Variants in TMEM44 observed in about 807,000 individuals in gnomAD.
The protein encoded by TMEM44 is transmembrane protein 44.
A neutral mutation model predicts 47.8 loss-of-function variants in TMEM44; 43 were observed. The ratio of observed to expected loss-of-function variants is 0.90; its 90% CI spans 0.70 to 1.16. The LOEUF (loss-of-function observed/expected upper bound fraction) is 1.16. Ranked by LOEUF, TMEM44 falls within the 50% of genes most tolerant of loss-of-function variation. The probability of loss-of-function intolerance (pLI) is 0.00; values close to 1 mark genes in which losing one functional copy is unlikely to be tolerated. For synonymous variants in TMEM44, 277 were observed against 238.8 expected, an observed-to-expected ratio of 1.16 and a Z score of -1.48; for missense variants, 568 against 555.2, an observed-to-expected ratio of 1.02 and a Z score of -0.23.
intron 9 of TMEM44, among the ~76,000 whole-genome samples, chr3:194,598,313 A>G (rs911521325): frequency 2.0e-5 from 3 of 152,126 alleles, no homozygotes; most frequent in Non-Finnish European, 4.4e-5. Flanking sequence ...GCTGGAGTGA[A>G]AAGACACCTG....
At chr3:194,615,902 A>G (rs536827812) in intron 6 of TMEM44, among the ~76,000 whole-genome samples, 8 of 152,140 alleles carry the variant, frequency 5.3e-5, no homozygotes, top group Non-Finnish European at 1.2e-4. Flanking sequence ...CCAGCATCCA[A>G]TGTGACCCTG....
intron 1 of TMEM44, among the ~76,000 whole-genome samples, chr3:194,631,941 C>G (rs574225562): frequency 1.3e-5 from 2 of 152,348 alleles, no homozygotes; most frequent in African/African-American, 4.8e-5. Flanking sequence ...CAGTGCTGGT[C>G]TGAGGACAAC....
rs539776018 is a variant in TMEM44 at position 194,604,949 on chromosome 3, G to A, written c.1018-504C>T. Among the ~76,000 whole-genome samples the A allele has an allele frequency of 7.2e-5, 11 of 152,290 alleles. No homozygotes were observed. The South Asian group carries it at 1.0e-3, about 14-fold the overall frequency. ...GAGTAAAGGATAAATTCCCAGAGGC[G>A]GAATTGCTGGATTAAAGAGAGTATG... On this transcript the variant is annotated intron_variant, in intron 8 of 9. Coordinates refer to ENST00000347147, the MANE Select transcript of TMEM44 (RefSeq NM_001011655.3).
intron 5 of TMEM44, among the ~76,000 whole-genome samples, chr3:194,620,329 C>T (rs1305743449): frequency 4.0e-5 from 6 of 151,738 alleles, no homozygotes; most frequent in South Asian, 4.2e-4. Context: ...GAAGGGCCCA[C>T]CCCCAACCTC....
At chr3:194,593,739 C>T (rs766403856) in intron 9 of TMEM44, among the ~76,000 whole-genome samples, 1 of 152,136 alleles carries the variant, frequency 6.6e-6, no homozygotes, top group African/African-American at 2.4e-5. Context: ...GAGCAGTCCA[C>T]AGGATTTAGG....
intron 8 of TMEM44, among the ~76,000 whole-genome samples, chr3:194,610,336 G>A (rs1241068134): frequency 1.3e-5 from 2 of 151,912 alleles, no homozygotes; most frequent in Admixed American, 6.6e-5. Context: ...CCCGAAATAT[G>A]CCTCTTTAGC....
intron 9 of TMEM44, among the ~76,000 whole-genome samples, chr3:194,594,179 G>C (rs1369530782): frequency 2.6e-5 from 2 of 77,104 alleles, no homozygotes; most frequent in Non-Finnish European, 3.7e-5. Context: ...CTATCTATCT[G>C]TGTATGATGG....
intron 1 of TMEM44, 135 bp downstream of exon 1, chr3:194,632,944 T>C: frequency 7.9e-7 from 1 of 1,266,784 alleles, no homozygotes. Flanking sequence ...CAGAGCAATG[T>C]TCCATTGGAT....
At chr3:194,612,552 C>T (rs1715429050) in intron 7 of TMEM44, among the ~76,000 whole-genome samples, 1 of 151,396 alleles carries the variant, frequency 6.6e-6, no homozygotes, top group Non-Finnish European at 1.5e-5. Flanking sequence ...CACAGCCTCA[C>T]ACCCACTCTC....
rs185934491 is a variant in TMEM44, at chr3:194,616,839, G to A, written c.783+260C>T. 2.1e-5 allele frequency: 11 copies of A among 517,644 alleles called. No homozygotes were observed. In the Admixed American group the frequency reaches 3.2e-4, roughly 15 times the overall value. The allele number at this position is 517,644 out of a possible 1,614,324, so 32.1% of individuals were successfully genotyped here. A position where few individuals can be genotyped will look rare whatever the true frequency, so the allele number is the denominator to read the frequency against. ...GAAATTGGGAGGTGAAGGTTGCAGT[G>A]AGCCAAGATCACGCCACTGCACTCC... On this transcript the variant is annotated intron_variant, in intron 6 of 9. Coordinates refer to ENST00000347147, the MANE Select transcript of TMEM44 (RefSeq NM_001011655.3).
chr3:194,626,840 C>G (rs1705978), intron 2 of TMEM44, among the ~76,000 whole-genome samples: 1 of 150,348 alleles, frequency 6.7e-6, no homozygotes, highest in Non-Finnish European at 1.5e-5. Flanking sequence ...CCTGCCACCA[C>G]GCCCGGCTAA....
intron 7 of TMEM44, among the ~76,000 whole-genome samples, chr3:194,613,056 A>G (rs1382277921): frequency 6.6e-6 from 1 of 152,248 alleles, no homozygotes; most frequent in Non-Finnish European, 1.5e-5. Context: ...AGTTCTGACT[A>G]CTTGTAGAGG....
At chr3:194,605,471 G>C (rs1253257993) in intron 8 of TMEM44, among the ~76,000 whole-genome samples, 1 of 152,218 alleles carries the variant, frequency 6.6e-6, no homozygotes. Flanking sequence ...TGGCTGGGGA[G>C]GCCTCACAAT....
intron 1 of TMEM44, among the ~76,000 whole-genome samples, chr3:194,631,316 C>T (rs533777703): frequency 1.7e-4 from 26 of 152,248 alleles, no homozygotes; most frequent in Admixed American, 7.2e-4. Context: ...CTGGAGACAC[C>T]GAGACAGGGT....
At chr3:194,592,042 C>G (rs1338046564) in intron 9 of TMEM44, among the ~76,000 whole-genome samples, 1 of 151,974 alleles carries the variant, frequency 6.6e-6, no homozygotes, top group Non-Finnish European at 1.5e-5. Flanking sequence ...CAAGGTGAAA[C>G]CCCGTCTCTA....
intron 8 of TMEM44, among the ~76,000 whole-genome samples, chr3:194,608,442 G>T (rs1446911285): frequency 6.6e-6 from 1 of 152,224 alleles, no homozygotes; most frequent in Non-Finnish European, 1.5e-5. Context: ...GAGTCAACGA[G>T]ACAGGAGATA....
intron 1 of TMEM44, among the ~76,000 whole-genome samples, chr3:194,630,555 C>G (rs1467735984): frequency 1.5e-5 from 1 of 67,216 alleles, no homozygotes; most frequent in Non-Finnish European, 2.8e-5. Context: ...ACTGATAGGG[C>G]CCCTGAAATG....
At chr3:194,614,084 G>A (rs975376655) in intron 7 of TMEM44, among the ~76,000 whole-genome samples, 1 of 151,900 alleles carries the variant, frequency 6.6e-6, no homozygotes, top group African/African-American at 2.4e-5. Context: ...ATCGTGCCAC[G>A]GCACTCCAGC....
intron 5 of TMEM44, among the ~76,000 whole-genome samples, chr3:194,621,711 G>T (rs554143841): frequency 7.2e-6 from 1 of 138,042 alleles, no homozygotes; most frequent in East Asian, 2.0e-4. Context: ...ATGCTCCTGG[G>T]CAAGTAATTT....
Sources: gnomAD v4.1 joint callset for allele counts (sites outside exome capture counted in the v4.1 genomes callset) on GRCh38, gnomAD v4.1.1 for gene constraint, MANE v1.5 for transcripts, NCBI Gene and HGNC (gene_info 2026-07-23, HGNC 2026-07-21) for gene names.